The following PPP5C variants were observed in gnomAD, a reference collection of about 807,000 sequenced individuals.
PPP5C encodes the protein serine/threonine-protein phosphatase 5.
PPP5C carries 21 observed loss-of-function variants against 66.7 expected under a neutral mutation model. The ratio of observed to expected loss-of-function variants is 0.31; its 90% CI spans 0.22 to 0.45. PPP5C has a LOEUF of 0.45. Among genes scored for constraint, PPP5C ranks in the 20% least tolerant of loss-of-function variants. PPP5C has a pLI of 1.00. For missense variants in PPP5C, 464 were observed against 675.9 expected (o/e 0.69, Z 3.48); for synonymous variants, 246 against 257.4 (o/e 0.96, Z 0.43).
chr19:46,364,195 A>AT (rs1972452948), intron 2 of PPP5C, among the ~76,000 whole-genome samples: 1 of 151,942 alleles, frequency 6.6e-6, no homozygotes, highest in African/African-American at 2.4e-5. Context: ...GGCATCAAAA[A>AT]ATATATATAT....
At chr19:46,386,963 C>T (rs1375924476) in intron 7 of PPP5C, 130 bp from the exon 8 acceptor site, 6 of 1,317,360 alleles carry the variant, frequency 4.6e-6, no homozygotes, top group African/African-American at 2.9e-5. Flanking sequence ...CTGGAAGGCA[C>T]CGCAGTGGCA....
At position 46,388,709 on chromosome 19, in the gene PPP5C, G is replaced by T. The variant is rs778377016; in HGVS notation, c.1333G>T (p.Val445Phe). The change falls in exon 11 of 13, where the codon GTC becomes TTC. Residue 445 changes from valine (V) to phenylalanine (F), a missense_variant. Physicochemically the swap from Val to Phe is conservative, Grantham distance 50. This residue lies in a region of PPP5C where 387 missense variants were observed against 626.0 expected (regional missense o/e 0.62). Transcript: ENST00000012443. The surrounding 1 kb of genome is among the most constrained non-coding windows in gnomAD (Gnocchi z 4.9). The part of the protein sequence containing the change: ...EVAHGGRCVT[V>F]FSAPNYCDQM... The stretch of plus-strand genomic sequence containing the variant: ...GGCTCACGGAGGCCGCTGTGTCACC[G>T]TCTTCTCTGCCCCCAACTACTGGTA... 6.2e-7 allele frequency: 1 copy of T among 1,614,128 alleles called. No individual in the cohort carries two copies. The highest frequency in any genetic ancestry group is 1.1e-5 in the South Asian group (1 of 91,076).
At chr19:46,384,760 CACCCTT>C in intron 6 of PPP5C, 38 bp from the exon 7 acceptor site, 1 of 1,303,282 alleles carries the variant, frequency 7.7e-7, no homozygotes, top group Non-Finnish European at 1.1e-6. Context: ...CACCGCACCG[CACCCTT>C]CCCCTCCACG....
chr19:46,376,788 C>A lies in PPP5C; in HGVS notation c.633+214C>A. The stretch of plus-strand genomic sequence containing the variant: ...GGAGGTGGCAGGCAGTGCCATTTGA[C>A]AGATGCAGGGACAAAGGGCCAGAGA... On this transcript the variant is annotated intron_variant, in intron 4 of 12. Transcript: ENST00000012443. This position sits in a 1 kb window ranked among gnomAD's most constrained non-coding sequence, Gnocchi z 5.1. The A allele has an allele frequency of 1.7e-6, 1 of 581,280 alleles. No individual in the cohort carries two copies. Among genetic ancestry groups the A allele is most frequent in the Non-Finnish European group, 2.9e-6 (1 of 349,026 alleles). The allele number at this position is 581,280 out of a possible 1,614,324, so 36.0% of individuals were successfully genotyped here.
chr19:46,387,137 G>A lies in PPP5C; in HGVS notation c.949G>A (p.Gly317Ser). Residue 317 changes from glycine (G) to serine (S), a missense_variant, in exon 8 of 13, where the codon GGT becomes AGT. Gly to Ser is a moderately conservative substitution (Grantham distance 56). Around this residue, in one of 2 missense-constraint regions of PPP5C, gnomAD observed 387 missense variants for 626.0 expected, o/e 0.62. Coordinates refer to ENST00000012443, the MANE Select transcript of PPP5C (RefSeq NM_006247.4). ...DNMNQIYGFE[G>S]EVKAKYTAQM... ...CATGAACCAGATCTACGGTTTCGAG[G>A]GTGAGGTGAAGGCCAAGTACACAGC... is the stretch of plus-strand genomic sequence containing the variant. 6.2e-7 allele frequency: 1 copy of A among 1,614,240 alleles called. No homozygotes were observed.
Position 46,375,638 on chromosome 19 carries a change from A to C in PPP5C, c.398A>C (p.Lys133Thr). 1 of 1,614,140 alleles carries C rather than the reference A, an allele frequency of 6.2e-7. No homozygotes were observed. The highest frequency in any genetic ancestry group is 8.5e-7 in the Non-Finnish European group (1 of 1,179,986). ...GTGAAGCCCCATGACAAGGATGCCA[A>C]AATGAAATACCAGGAGTGCAACAAG... is the stretch of plus-strand genomic sequence containing the variant. Reference protein sequence around the residue: ...VKVKPHDKDAKMKYQECNKIV... With the variant: ...VKVKPHDKDATMKYQECNKIV... The change falls in exon 3 of 13, where the codon AAA becomes ACA. Residue 133 changes from lysine to threonine, a missense_variant. By Grantham distance (78) the Lys-to-Thr change is moderately conservative. Around this residue, in one of 2 missense-constraint regions of PPP5C, gnomAD observed 387 missense variants for 626.0 expected, o/e 0.62. Coordinates refer to ENST00000012443, the MANE Select transcript of PPP5C (RefSeq NM_006247.4).
rs1157896279 is a variant in PPP5C at position 46,376,406 on chromosome 19, T to C, written c.512-47T>C. On this transcript the variant is annotated intron_variant, in intron 3 of 12. Transcript: ENST00000012443. This position sits in a 1 kb window ranked among gnomAD's most constrained non-coding sequence, Gnocchi z 5.1. ...GGGAGCGAGACCCCCTTCTCCCTCA[T>C]AGTGGCTGTGGTCACTGACTCTCGT... 23 of 1,604,074 alleles carry C rather than the reference T, an allele frequency of 1.4e-5. No individual in the cohort carries two copies. In the South Asian group the frequency reaches 2.2e-4, roughly 15 times the overall value.
rs1242796095 is a variant in PPP5C, at chr19:46,376,979, G to A, written c.633+405G>A. Among the ~76,000 whole-genome samples, 1 of 152,176 alleles carries A rather than the reference G, an allele frequency of 6.6e-6. No individual in the cohort carries two copies. The highest frequency in any genetic ancestry group is 1.5e-5 in the Non-Finnish European group (1 of 68,030). On this transcript the variant is annotated intron_variant, in intron 4 of 12. Coordinates refer to ENST00000012443, the MANE Select transcript of PPP5C (RefSeq NM_006247.4). This position sits in a 1 kb window ranked among gnomAD's most constrained non-coding sequence, Gnocchi z 5.1. ...ACCACCCCCTCCCCGACCTAGGAGG[G>A]CAGCTGGCCACAGGGTGTTAACTGG...
chr19:46,383,937 T>G lies in PPP5C; in HGVS notation c.798+59T>G. The G allele has an allele frequency of 1.4e-6, 2 of 1,406,734 alleles. No individual in the cohort carries two copies. The highest frequency in any genetic ancestry group is 2.3e-5 in the South Asian group (2 of 86,152). The allele number at this position is 1,406,734 out of a possible 1,614,324, so 87.1% of individuals were successfully genotyped here. ...CTCCACCCCCAGCCGCAGCCTCAGG[T>G]CTGCACAGAGTGGGAGGAGCCCTTG... On this transcript the variant is annotated intron_variant, in intron 6 of 12. Transcript: ENST00000012443. This position sits in a 1 kb window ranked among gnomAD's most constrained non-coding sequence, Gnocchi z 5.0.
At chr19:46,367,918 T>G (rs11083820) in intron 2 of PPP5C, among the ~76,000 whole-genome samples, 151,521 of 152,288 alleles carry the variant, frequency 0.99, 75,380 homozygotes, top group East Asian at 1. Flanking sequence ...TGGGTTGAGT[T>G]GGTCCCTGGA....
At chr19:46,368,219 A>C (rs1199157222) in intron 2 of PPP5C, among the ~76,000 whole-genome samples, 1 of 152,242 alleles carries the variant, frequency 6.6e-6, no homozygotes, top group Non-Finnish European at 1.5e-5. Flanking sequence ...TGGCCTATGC[A>C]GAAGACGGCT....
At chr19:46,347,254 A>C (rs1478743670) in intron 1 of PPP5C, 37 bp downstream of exon 1, 1 of 1,573,978 alleles carries the variant, frequency 6.4e-7, no homozygotes, top group Non-Finnish European at 8.6e-7. Flanking sequence ...ACAGTGGCCC[A>C]GGCTGAGGGG....
intron 2 of PPP5C, among the ~76,000 whole-genome samples, chr19:46,374,450 C>T (rs1286873964): frequency 6.6e-6 from 1 of 151,376 alleles, no homozygotes; most frequent in African/African-American, 2.4e-5. Flanking sequence ...AGACGGGGGT[C>T]TACGTGACTA....
chr19:46,349,935 G>T (rs1026930200), intron 1 of PPP5C, among the ~76,000 whole-genome samples: 1 of 151,088 alleles, frequency 6.6e-6, no homozygotes, highest in South Asian at 2.1e-4. Flanking sequence ...GGGCCACAGC[G>T]TAGGAGGCTG....
intron 2 of PPP5C, among the ~76,000 whole-genome samples, chr19:46,367,008 C>T (rs1972501649): frequency 6.6e-6 from 1 of 152,220 alleles, no homozygotes; most frequent in African/African-American, 2.4e-5. Context: ...GCAAAGTAAT[C>T]TAGCACATGC....
In PPP5C at chr19:46,376,639, G is replaced by T; in HGVS notation, c.633+65G>T. 6.3e-7 allele frequency: 1 copy of T among 1,582,600 alleles called. No homozygotes were observed. The highest frequency in any genetic ancestry group is 8.6e-7 in the Non-Finnish European group (1 of 1,163,358). Reference sequence around the variant, plus strand: ...GGATGGCATCACAGCACTGCCAGCCGCGGGCACTGAGCAAAACGACAGGAG... The same window carrying T: ...GGATGGCATCACAGCACTGCCAGCCTCGGGCACTGAGCAAAACGACAGGAG... On this transcript the variant is annotated intron_variant, in intron 4 of 12. Coordinates refer to ENST00000012443, the MANE Select transcript of PPP5C (RefSeq NM_006247.4). This position sits in a 1 kb window ranked among gnomAD's most constrained non-coding sequence, Gnocchi z 5.1.
chr19:46,362,888 T>C (rs1423552785), intron 2 of PPP5C, among the ~76,000 whole-genome samples: 1 of 150,288 alleles, frequency 6.7e-6, no homozygotes, highest in South Asian at 2.1e-4. Flanking sequence ...CCCAGGTTCA[T>C]GCCATTCCCC....
intron 2 of PPP5C, among the ~76,000 whole-genome samples, chr19:46,364,670 T>C (rs890581193): frequency 1.4e-4 from 21 of 151,968 alleles, no homozygotes; most frequent in Non-Finnish European, 5.9e-5. Flanking sequence ...AAAAAAAAAA[T>C]AATTGTACCT....
In PPP5C at chr19:46,390,223, C is replaced by T. The variant is rs376368286; in HGVS notation, c.1438-61C>T. ...GGTAAGGGGCAGGGGTAGGTTCTGC[C>T]GGTGGGTGCTCAGGGGCTCTGTTCT... On this transcript the variant is annotated intron_variant, in intron 12 of 12. Transcript: ENST00000012443. 139 of 1,604,276 alleles carry T rather than the reference C, an allele frequency of 8.7e-5. No homozygotes were observed. In the Admixed American group the frequency reaches 1.2e-3, roughly 13 times the overall value.
Sources: allele counts gnomAD v4.1 joint callset (sites outside exome capture counted in the v4.1 genomes callset), GRCh38; gene constraint gnomAD v4.1.1; regional missense constraint gnomAD v4.1.1; non-coding constraint Gnocchi (gnomAD v3.1); transcripts MANE v1.5; gene names NCBI Gene and HGNC (gene_info 2026-07-23, HGNC 2026-07-21).